CSMD1: variants seen among roughly 807,000 people sequenced by gnomAD.
The protein encoded by CSMD1 is CUB and sushi domain-containing protein 1.
Under a neutral mutation model 417.5 loss-of-function variants are expected in CSMD1, and 213 were observed. The observed-to-expected ratio is 0.51, with a 90% CI of 0.46 to 0.57. CSMD1 has a LOEUF of 0.57. Among genes scored for constraint, CSMD1 ranks in the 20% least tolerant of loss-of-function variants. The pLI, the probability that CSMD1 is intolerant of heterozygous loss-of-function variation, is 0.00. For missense variants in CSMD1, 6,923 were observed against 4,529.7 expected (o/e 1.53, Z -15.17); for synonymous variants, 2,862 against 1,736.8 (o/e 1.65, Z -16.11).
intron 5 of CSMD1, among the ~76,000 whole-genome samples, chr8:3,953,691 G>C (rs923930782): frequency 2.0e-5 from 3 of 152,080 alleles, no homozygotes; most frequent in Non-Finnish European, 2.9e-5. Flanking sequence ...GCGGGGAGGG[G>C]TGAGGGGTGG....
At chr8:4,047,401 T>C (rs1010523708) in intron 3 of CSMD1, among the ~76,000 whole-genome samples, 23 of 152,258 alleles carry the variant, frequency 1.5e-4, no homozygotes, top group African/African-American at 3.1e-4. Context: ...TCAGGAAATA[T>C]TGCGGAAAAA....
chr8:4,025,874 T>G (rs1797037669), intron 4 of CSMD1, among the ~76,000 whole-genome samples: 1 of 152,142 alleles, frequency 6.6e-6, no homozygotes, highest in Non-Finnish European at 1.5e-5. Context: ...TTAAAGAACA[T>G]CACGGCTACA....
At chr8:3,859,847 T>G (rs1162578553) in intron 5 of CSMD1, among the ~76,000 whole-genome samples, 2 of 152,194 alleles carry the variant, frequency 1.3e-5, no homozygotes, top group African/African-American at 4.8e-5. Flanking sequence ...TTTGGAAGCC[T>G]CCTGGGTACA....
chr8:4,150,008 C>T (rs749206562), intron 3 of CSMD1, among the ~76,000 whole-genome samples: 3 of 152,158 alleles, frequency 2.0e-5, no homozygotes, highest in Non-Finnish European at 4.4e-5. Flanking sequence ...CTGATGGATG[C>T]CTTTAAAATA....
chr8:4,820,331 G>C (rs116884185), intron 1 of CSMD1, among the ~76,000 whole-genome samples: 166 of 152,278 alleles, frequency 1.1e-3, no homozygotes, highest in Admixed American at 2.8e-3. Context: ...GTATTCAGAA[G>C]CATTATAAAA....
chr8:3,306,478 G>C (rs745482813), intron 25 of CSMD1, among the ~76,000 whole-genome samples: 1 of 152,158 alleles, frequency 6.6e-6, no homozygotes, highest in African/African-American at 2.4e-5. Flanking sequence ...ACTTTGACCT[G>C]TAACTTTTTT....
intron 7 of CSMD1, among the ~76,000 whole-genome samples, chr8:3,662,348 C>G (rs1318373314): frequency 6.6e-6 from 1 of 152,180 alleles, no homozygotes; most frequent in Non-Finnish European, 1.5e-5. Flanking sequence ...AAATCTCTCT[C>G]TCCCCACTCC....
intron 25 of CSMD1, among the ~76,000 whole-genome samples, chr8:3,294,267 G>A (rs1197267399): frequency 6.6e-6 from 1 of 152,204 alleles, no homozygotes; most frequent in Non-Finnish European, 1.5e-5. Flanking sequence ...CTACTCAGGG[G>A]TCAGGGACCC....
chr8:3,671,476 T>G (rs566900835), intron 7 of CSMD1, among the ~76,000 whole-genome samples: 1 of 130,746 alleles, frequency 7.6e-6, no homozygotes, highest in Non-Finnish European at 1.6e-5. Context: ...TATAATCATA[T>G]ATATACTCAT....
At chr8:4,824,824 G>C (rs1799728803) in intron 1 of CSMD1, among the ~76,000 whole-genome samples, 1 of 152,092 alleles carries the variant, frequency 6.6e-6, no homozygotes. Flanking sequence ...CAGGTATATA[G>C]CCTATATTTA....
chr8:3,106,912 CCA>C, intron 45 of CSMD1: 1 of 309,128 alleles, frequency 3.2e-6, no homozygotes, highest in Non-Finnish European at 5.9e-6. Context: ...TTTCCCTTCC[CCA>C]GTGATTGCTG....
intron 2 of CSMD1, among the ~76,000 whole-genome samples, chr8:4,593,632 C>T (rs1388726957): frequency 1.3e-5 from 2 of 151,904 alleles, no homozygotes; most frequent in Non-Finnish European, 2.9e-5. Context: ...TTTTGTGATC[C>T]GGAGTCTTAA....
chr8:3,518,610 T>C lies in CSMD1; in HGVS notation c.1345-24884A>G, dbSNP rs373894856. Among the ~76,000 whole-genome samples the C allele has an allele frequency of 7.4e-4, 113 of 152,226 alleles. 3 individuals are homozygous for C. The South Asian group carries it at 0.023, about 31-fold the overall frequency. On this transcript the variant is annotated intron_variant, in intron 10 of 69. Transcript: ENST00000635120. ...TACAGCTTTTCAAAATAACTCAGAATTGGGAGTTAATGTAGGGTATCAAAA... is the reference window on the plus strand; with the variant it reads ...TACAGCTTTTCAAAATAACTCAGAACTGGGAGTTAATGTAGGGTATCAAAA...
chr8:2,987,300 A>G lies in CSMD1; in HGVS notation c.8378-8500T>C, dbSNP rs114850681. Among the ~76,000 whole-genome samples, 892 of 151,636 alleles carry G rather than the reference A, an allele frequency of 5.9e-3. 7 individuals carry two copies. Among genetic ancestry groups the G allele is most frequent in the African/African-American group, 0.021 (867 of 41,452 alleles). ...CTTCATGATATATGATTACACAAAA[A>G]GGCAGGTTATAAAAGAGTCCATAGG... On this transcript the variant is annotated intron_variant, in intron 54 of 69. Coordinates refer to ENST00000635120, the MANE Select transcript of CSMD1 (RefSeq NM_033225.6).
At chr8:3,707,696 G>T (rs989237669) in intron 7 of CSMD1, among the ~76,000 whole-genome samples, 2 of 152,198 alleles carry the variant, frequency 1.3e-5, no homozygotes, top group East Asian at 1.9e-4. Context: ...GGTCTGCATA[G>T]TGAGTCTCCA....
intron 3 of CSMD1, among the ~76,000 whole-genome samples, chr8:4,066,437 G>A (rs147310905): frequency 2.0e-5 from 3 of 152,190 alleles, no homozygotes; most frequent in East Asian, 3.9e-4. Context: ...CCTTGCACAT[G>A]CTAGCTACCC....
intron 3 of CSMD1, among the ~76,000 whole-genome samples, chr8:4,037,383 C>A (rs1239337678): frequency 6.6e-6 from 1 of 152,190 alleles, no homozygotes; most frequent in Non-Finnish European, 1.5e-5. Context: ...GCCATCAGCT[C>A]CACGCAACAG....
chr8:4,604,620 T>G (rs1585318326), intron 2 of CSMD1, among the ~76,000 whole-genome samples: 1 of 152,152 alleles, frequency 6.6e-6, no homozygotes, highest in Non-Finnish European at 1.5e-5. Flanking sequence ...GAAACTAAAG[T>G]TAAATCTCTG....
rs551470427 is a variant in CSMD1 at position 4,145,160 on chromosome 8, G to T, written c.416-113061C>A. 4.6e-5 allele frequency among the ~76,000 whole-genome samples: 7 copies of T among 151,028 alleles called. 1 individual carries two copies. Among genetic ancestry groups the T allele is most frequent in the African/African-American group, 1.7e-4 (7 of 40,384 alleles). The stretch of plus-strand genomic sequence containing the variant: ...TTTAGACACATGTAATAAAAGGCAC[G>T]AACCCATTCATTCAATTACTAAAAC... On this transcript the variant is annotated intron_variant, in intron 3 of 69. Transcript: ENST00000635120.
Sources: gnomAD v4.1 joint callset for allele counts (sites outside exome capture counted in the v4.1 genomes callset) on GRCh38, gnomAD v4.1.1 for gene constraint, MANE v1.5 for transcripts, NCBI Gene and HGNC (gene_info 2026-07-23, HGNC 2026-07-21) for gene names.